The following NLGN1 variants were observed in gnomAD, a reference collection of about 807,000 sequenced individuals.
NLGN1 encodes the protein neuroligin-1.
Under a neutral mutation model 65.5 loss-of-function variants are expected in NLGN1, and 12 were observed. That is an observed-to-expected ratio of 0.18 (90% CI 0.12 to 0.30). The LOEUF is 0.30. NLGN1 is among the 10% of genes least tolerant of loss of function. The probability of loss-of-function intolerance (pLI) is 1.00; values close to 1 mark genes in which losing one functional copy is unlikely to be tolerated. For synonymous variants in NLGN1, 350 were observed against 359.5 expected, an observed-to-expected ratio of 0.97 and a Z score of 0.30; for missense variants, 750 against 1,007.1, an observed-to-expected ratio of 0.74 and a Z score of 3.46.
At chr3:173,797,955 C>T (rs1285915568) in intron 3 of NLGN1, among the ~76,000 whole-genome samples, 1 of 152,020 alleles carries the variant, frequency 6.6e-6, no homozygotes, top group Non-Finnish European at 1.5e-5. Context: ...GGCTCAGTGG[C>T]TATATAAGCT....
chr3:174,132,137 C>T (rs1196558251), intron 4 of NLGN1, among the ~76,000 whole-genome samples: 3 of 152,178 alleles, frequency 2.0e-5, no homozygotes, highest in Non-Finnish European at 4.4e-5. Context: ...GCTTACTAAT[C>T]AACCTTTATA....
chr3:173,419,693 G>A (rs545039031), intron 1 of NLGN1, among the ~76,000 whole-genome samples: 8 of 151,890 alleles, frequency 5.3e-5, no homozygotes, highest in Non-Finnish European at 1.2e-4. Flanking sequence ...ACCCCTGGTT[G>A]GGCGTGGTGG....
chr3:173,994,465 CAAAAAAAAAAA>C (rs1170577220), intron 4 of NLGN1, among the ~76,000 whole-genome samples: 7 of 32,908 alleles, frequency 2.1e-4, no homozygotes, highest in Admixed American at 4.5e-4. Context: ...TTGAGAAAAG[CAAAAAAAAAAA>C]AAAAAAAAAA....
intron 1 of NLGN1, among the ~76,000 whole-genome samples, chr3:173,428,928 T>C (rs1716658409): frequency 6.6e-6 from 1 of 152,178 alleles, no homozygotes; most frequent in South Asian, 2.1e-4. Flanking sequence ...TTTACAATCC[T>C]CTTTTTGTGT....
At chr3:173,422,687 T>G (rs1715321090) in intron 1 of NLGN1, among the ~76,000 whole-genome samples, 1 of 152,222 alleles carries the variant, frequency 6.6e-6, no homozygotes, top group Non-Finnish European at 1.5e-5. Context: ...TATATCTCAT[T>G]GCAGTTTTGA....
At chr3:173,873,472 T>TAAC (rs893812280) in intron 4 of NLGN1, among the ~76,000 whole-genome samples, 1 of 152,180 alleles carries the variant, frequency 6.6e-6, no homozygotes, top group African/African-American at 2.4e-5. Context: ...AAAACTAACA[T>TAAC]AACTATTTGA....
intron 3 of NLGN1, among the ~76,000 whole-genome samples, chr3:173,665,061 A>G (rs187617128): frequency 6.6e-5 from 10 of 152,262 alleles, no homozygotes; most frequent in Admixed American, 1.3e-4. Flanking sequence ...TACAAGAAAT[A>G]CATCTTGCTT....
At chr3:174,229,760 C>T (rs146376574) in intron 4 of NLGN1, among the ~76,000 whole-genome samples, 3 of 152,212 alleles carry the variant, frequency 2.0e-5, no homozygotes, top group Non-Finnish European at 1.5e-5. Context: ...ACTGTAATTG[C>T]GACTATGTGA....
At chr3:173,466,339 A>G (rs1314183596) in intron 2 of NLGN1, among the ~76,000 whole-genome samples, 6 of 152,178 alleles carry the variant, frequency 3.9e-5, no homozygotes, top group African/African-American at 1.4e-4. Flanking sequence ...TGTGCTGGTA[A>G]TCTGGCTTAC....
At chr3:174,002,064 A>C (rs1170040638) in intron 4 of NLGN1, among the ~76,000 whole-genome samples, 2 of 152,114 alleles carry the variant, frequency 1.3e-5, no homozygotes, top group East Asian at 3.9e-4. Flanking sequence ...TAAAAAAAAA[A>C]AAAAAAACAA....
chr3:173,767,934 A>T (rs776610904), intron 3 of NLGN1, among the ~76,000 whole-genome samples: 2 of 152,076 alleles, frequency 1.3e-5, no homozygotes, highest in Non-Finnish European at 2.9e-5. Context: ...TTGTAATTTG[A>T]ATTATAATTT....
At chr3:173,543,391 A>T (rs892408270) in intron 2 of NLGN1, among the ~76,000 whole-genome samples, 1 of 152,144 alleles carries the variant, frequency 6.6e-6, no homozygotes, top group Non-Finnish European at 1.5e-5. Flanking sequence ...CTTTTTCAAG[A>T]TAATCTTTCA....
chr3:173,882,425 A>T (rs1433831413), intron 4 of NLGN1, among the ~76,000 whole-genome samples: 1 of 152,060 alleles, frequency 6.6e-6, no homozygotes, highest in Non-Finnish European at 1.5e-5. Flanking sequence ...CTAATATAGG[A>T]CTCTTTCATA....
intron 4 of NLGN1, among the ~76,000 whole-genome samples, chr3:174,200,177 C>T (rs1041679673): frequency 6.6e-6 from 1 of 152,150 alleles, no homozygotes; most frequent in Non-Finnish European, 1.5e-5. Context: ...CTCCTGTTTC[C>T]TCATCTGTAA....
At chr3:174,237,980 T>C (rs929102993) in intron 4 of NLGN1, among the ~76,000 whole-genome samples, 4 of 152,208 alleles carry the variant, frequency 2.6e-5, no homozygotes, top group African/African-American at 9.6e-5. Flanking sequence ...TTAATTCCTT[T>C]GTGGACAACA....
intron 4 of NLGN1, among the ~76,000 whole-genome samples, chr3:173,888,999 T>G (rs967518234): frequency 3.3e-5 from 5 of 152,160 alleles, no homozygotes; most frequent in African/African-American, 1.2e-4. Flanking sequence ...TCAAACCAGC[T>G]ATACAAGTTT....
At chr3:174,055,373 C>T (rs997656672) in intron 4 of NLGN1, among the ~76,000 whole-genome samples, 4 of 151,792 alleles carry the variant, frequency 2.6e-5, no homozygotes, top group Admixed American at 2.6e-4. Flanking sequence ...AGAAAGTTGG[C>T]AGGCATAGGA....
At chr3:173,561,363 C>T (rs1742701182) in intron 2 of NLGN1, among the ~76,000 whole-genome samples, 1 of 152,152 alleles carries the variant, frequency 6.6e-6, no homozygotes, top group African/African-American at 2.4e-5. Flanking sequence ...TAGCGTCTGC[C>T]TCCTCCCTTC....
Position 173,754,046 on chromosome 3 carries a change from T to TG in NLGN1, c.494-53634_494-53633insG, listed in dbSNP as rs1472602993. ...TTTCTTTTTTTTTTTTTGTTTTTTT[T>TG]TTTGTTGTTGTTGTTGAGACAGGGT... On this transcript the variant is annotated intron_variant, in intron 3 of 6. Coordinates refer to ENST00000457714, the Ensembl canonical transcript of NLGN1. Among the ~76,000 whole-genome samples the TG allele has an allele frequency of 7.5e-5, 11 of 147,384 alleles. 1 individual carries two copies. The highest frequency in any genetic ancestry group is 2.2e-4 in the African/African-American group (9 of 40,298).
Sources: allele counts gnomAD v4.1 joint callset (sites outside exome capture counted in the v4.1 genomes callset), GRCh38; gene constraint gnomAD v4.1.1; transcripts MANE v1.5; gene names NCBI Gene and HGNC (gene_info 2026-07-23, HGNC 2026-07-21).